Variants in ZBTB46 observed in about 807,000 individuals in gnomAD.
The protein encoded by ZBTB46 is zinc finger and BTB domain-containing protein 46.
Under a neutral mutation model 44.1 loss-of-function variants are expected in ZBTB46, and 8 were observed. The observed-to-expected ratio is 0.18, with a 90% CI of 0.11 to 0.33. ZBTB46 has a LOEUF of 0.33. Among genes scored for constraint, ZBTB46 ranks in the 10% least tolerant of loss-of-function variants. The pLI is 1.00. For synonymous variants in ZBTB46, 409 were observed against 382.3 expected, an observed-to-expected ratio of 1.07 and a Z score of -0.81; for missense variants, 651 against 847.7, an observed-to-expected ratio of 0.77 and a Z score of 2.88.
intron 1 of ZBTB46, among the ~76,000 whole-genome samples, chr20:63,811,718 G>A (rs2146034255): frequency 6.6e-6 from 1 of 152,312 alleles, no homozygotes; most frequent in South Asian, 2.1e-4. Flanking sequence ...TGGGAAGAGA[G>A]CTGCTGCTGT....
chr20:63,773,002 G>A (rs1035204353), intron 3 of ZBTB46, among the ~76,000 whole-genome samples: 26 of 152,282 alleles, frequency 1.7e-4, no homozygotes, highest in African/African-American at 6.0e-4. Context: ...GGCCACCAAG[G>A]CCGAGCTGGG....
chr20:63,764,606 T>G (rs1042232664), intron 3 of ZBTB46, among the ~76,000 whole-genome samples: 1 of 35,432 alleles, frequency 2.8e-5, no homozygotes, highest in South Asian at 1.1e-3. Flanking sequence ...TTTTTCTCTG[T>G]TTTTTTTTTT....
chr20:63,776,139 A>G (rs944033530), intron 2 of ZBTB46, among the ~76,000 whole-genome samples, 177 bp from the exon 3 acceptor site: 3 of 152,240 alleles, frequency 2.0e-5, no homozygotes, highest in Admixed American at 1.3e-4. Flanking sequence ...GCCTCGGCCC[A>G]GCCCGGCCTT....
intron 1 of ZBTB46, among the ~76,000 whole-genome samples, chr20:63,826,051 T>C (rs2092817850): frequency 1.3e-5 from 2 of 152,144 alleles, no homozygotes; most frequent in African/African-American, 4.8e-5. Flanking sequence ...GCAGTGCCCC[T>C]CTCCACATCT....
At chr20:63,812,820 G>T (rs377510206) in intron 1 of ZBTB46, among the ~76,000 whole-genome samples, 1 of 151,968 alleles carries the variant, frequency 6.6e-6, no homozygotes, top group Non-Finnish European at 1.5e-5. Flanking sequence ...CTACGGCTGG[G>T]CGTGGTGGCT....
At chr20:63,831,456 C>G (rs1222490057), upstream of ZBTB46, among the ~76,000 whole-genome samples, 6 of 144,536 alleles carry the variant, frequency 4.2e-5, no homozygotes, top group African/African-American at 9.9e-5. Context: ...GCTCGGCTCC[C>G]GGCGCCGCGC....
At chr20:63,779,143 G>T (rs573909780) in intron 2 of ZBTB46, among the ~76,000 whole-genome samples, 3 of 152,264 alleles carry the variant, frequency 2.0e-5, no homozygotes, top group African/African-American at 4.8e-5. Context: ...GCCACACGGG[G>T]GCTGGGGTTT....
intron 4 of ZBTB46, among the ~76,000 whole-genome samples, chr20:63,749,253 T>C: frequency 6.6e-6 from 1 of 152,234 alleles, no homozygotes; most frequent in African/African-American, 2.4e-5. Context: ...ACACCTCAGA[T>C]GCCCAAACAC....
At chr20:63,818,188 G>A (rs372898743) in intron 1 of ZBTB46, among the ~76,000 whole-genome samples, 11 of 152,228 alleles carry the variant, frequency 7.2e-5, no homozygotes, top group East Asian at 1.9e-4. Context: ...GGACAAGGGC[G>A]CTGGGGTGAG....
In ZBTB46 at chr20:63,758,817, C is replaced by T. The variant is rs532361910; in HGVS notation, c.1223-5956G>A. Among the ~76,000 whole-genome samples, 24 of 151,882 alleles carry T rather than the reference C, an allele frequency of 1.6e-4. No homozygotes were observed. The East Asian group carries it at 2.5e-3, about 16-fold the overall frequency. ...TGCGATCTCAGCTCATTGCAAGCTC[C>T]GCCTCCCGGGTTCACGCCATTCTCC... On this transcript the variant is annotated intron_variant, in intron 3 of 4. Transcript: ENST00000245663.
chr20:63,771,727 G>C (rs994669878), intron 3 of ZBTB46, among the ~76,000 whole-genome samples: 5 of 152,220 alleles, frequency 3.3e-5, no homozygotes, highest in Admixed American at 1.3e-4. Flanking sequence ...ACCACCTGTC[G>C]GGGACAGAAG....
rs767679202 is a variant in ZBTB46, at chr20:63,801,738, C to T, written c.-33-10948G>A. ...GAAGGAACAAACTCCAGACACGCCG[C>T]CTTTAAGAACTGTAACACTCACCGC... On this transcript the variant is annotated intron_variant, in intron 1 of 4. Coordinates refer to ENST00000245663, the MANE Select transcript of ZBTB46 (RefSeq NM_001369741.1). Among the ~76,000 whole-genome samples, 5 of 152,108 alleles carry T rather than the reference C, an allele frequency of 3.3e-5. No individual in the cohort carries two copies. The East Asian group carries it at 7.7e-4, about 23-fold the overall frequency.
intron 1 of ZBTB46, among the ~76,000 whole-genome samples, chr20:63,801,753 ACACT>A (rs768420374): frequency 7.2e-5 from 11 of 152,062 alleles, no homozygotes; most frequent in Non-Finnish European, 1.0e-4. Context: ...AAGAACTGTA[ACACT>A]CACCGCGAGA....
chr20:63,755,982 G>A (rs780089783), intron 3 of ZBTB46, among the ~76,000 whole-genome samples: 5 of 152,212 alleles, frequency 3.3e-5, no homozygotes, highest in African/African-American at 7.2e-5. Flanking sequence ...CAGAGCTGGC[G>A]TGGACCCCCT....
At chr20:63,821,249 G>A (rs1455601231) in intron 1 of ZBTB46, among the ~76,000 whole-genome samples, 1 of 149,734 alleles carries the variant, frequency 6.7e-6, no homozygotes, top group Non-Finnish European at 1.5e-5. Flanking sequence ...CCTAACCTCA[G>A]GATCCACCCA....
At position 63,803,504 on chromosome 20, in the gene ZBTB46, G is replaced by A. The variant is rs965936921; in HGVS notation, c.-33-12714C>T. On this transcript the variant is annotated intron_variant, in intron 1 of 4. Coordinates refer to ENST00000245663, the MANE Select transcript of ZBTB46 (RefSeq NM_001369741.1). This position sits in a 1 kb window ranked among gnomAD's most constrained non-coding sequence, Gnocchi z 4.0. Reference sequence around the variant, plus strand: ...ATGAGGACTTTAGGTTTTCCACATGGCAGCCCCCATGTGGCCATCTGAAGA... The same window carrying A: ...ATGAGGACTTTAGGTTTTCCACATGACAGCCCCCATGTGGCCATCTGAAGA... The A allele has an allele frequency of 2.0e-4, 195 of 985,134 alleles. No homozygotes were observed. Among genetic ancestry groups the A allele is most frequent in the Non-Finnish European group, 1.4e-4 (120 of 829,916 alleles). The allele number at this position is 985,134 out of a possible 1,614,324, so 61.0% of individuals were successfully genotyped here.
Position 63,746,954 on chromosome 20 carries a change from G to A in ZBTB46, c.1746C>T (p.Asp582=). The part of the protein sequence containing the change: ...PRPRSPPGGP[D]KDFAWLS ...CCTAGGAGAGCCAGGCGAAGTCCTT[G>A]TCAGGGCCTCCTGGGGGGCTGCGCG... The change falls in exon 5 of 5, where the codon GAC becomes GAT. Residue 582 remains aspartate, a synonymous_variant. Transcript: ENST00000245663. 3 of 1,582,880 alleles carry A rather than the reference G, an allele frequency of 1.9e-6. No individual in the cohort carries two copies. The highest frequency in any genetic ancestry group is 2.6e-6 in the Non-Finnish European group (3 of 1,168,388).
chr20:63,816,033 A>G (rs114841850), intron 1 of ZBTB46, among the ~76,000 whole-genome samples: 32,489 of 136,624 alleles, frequency 0.24, 4,029 homozygotes, highest in Middle Eastern at 0.35. Flanking sequence ...GCAGGTGGGC[A>G]CAGGTGCGGT....
At chr20:63,773,640 C>T (rs542517455) in intron 3 of ZBTB46, among the ~76,000 whole-genome samples, 1 of 151,956 alleles carries the variant, frequency 6.6e-6, no homozygotes, top group South Asian at 2.1e-4. Flanking sequence ...TCCGACGGCA[C>T]CCACGGGCAT....
Sources: gnomAD v4.1 joint callset for allele counts (sites outside exome capture counted in the v4.1 genomes callset) on GRCh38, gnomAD v4.1.1 for gene constraint, Gnocchi (gnomAD v3.1) non-coding constraint, MANE v1.5 for transcripts, NCBI Gene and HGNC (gene_info 2026-07-23, HGNC 2026-07-21) for gene names.